IQCM: variants seen among roughly 807,000 people sequenced by gnomAD.
IQCM encodes the protein IQ motif containing M, also known as IQ domain-containing protein M.
IQCM carries 45 observed loss-of-function variants against 57.6 expected under a neutral mutation model. The observed-to-expected ratio is 0.78, with a 90% CI of 0.62 to 1.00. IQCM has a LOEUF of 1.00. IQCM is among the 50% of genes least tolerant of loss of function. The pLI, the probability that IQCM is intolerant of heterozygous loss-of-function variation, is 0.00. For synonymous variants in IQCM, 148 were observed against 158.9 expected (o/e 0.93, Z 0.51); for missense variants, 468 against 511.6 (o/e 0.91, Z 0.82).
intron 7 of IQCM, among the ~76,000 whole-genome samples, chr4:149,665,042 C>G (rs890724085): frequency 6.6e-6 from 1 of 152,156 alleles, no homozygotes; most frequent in Non-Finnish European, 1.5e-5. Context: ...TCTGGGCAGT[C>G]AGAATTGCAG....
At chr4:149,599,186 A>G (rs114839469) in intron 8 of IQCM, among the ~76,000 whole-genome samples, 16 of 152,286 alleles carry the variant, frequency 1.1e-4, no homozygotes, top group Non-Finnish European at 2.2e-4. Flanking sequence ...CAGCTATAGA[A>G]AGGATAAATA....
At chr4:149,368,495 T>C (rs1392971619) in intron 13 of IQCM, among the ~76,000 whole-genome samples, 3 of 151,830 alleles carry the variant, frequency 2.0e-5, no homozygotes, top group Non-Finnish European at 4.4e-5. Context: ...TTAGAAACCT[T>C]TGGATCCTTC....
intron 8 of IQCM, among the ~76,000 whole-genome samples, chr4:149,595,751 C>A (rs1388831108): frequency 6.6e-6 from 1 of 152,122 alleles, no homozygotes; most frequent in Non-Finnish European, 1.5e-5. Context: ...AATTTGAGAG[C>A]TTCCAGGAAT....
intron 8 of IQCM, among the ~76,000 whole-genome samples, chr4:149,589,446 G>A (rs1275844767): frequency 6.6e-6 from 1 of 151,984 alleles, no homozygotes; most frequent in African/African-American, 2.4e-5. Flanking sequence ...ATGTAAAGAT[G>A]AAACGTGGAA....
At chr4:149,740,682 A>G (rs917582363) in intron 3 of IQCM, among the ~76,000 whole-genome samples, 1 of 41,884 alleles carries the variant, frequency 2.4e-5, no homozygotes, top group African/African-American at 1.4e-4. Flanking sequence ...CCTTCTTTCA[A>G]TCAGAGGCTC....
intron 7 of IQCM, among the ~76,000 whole-genome samples, chr4:149,669,736 C>A (rs1761080475): frequency 6.6e-6 from 1 of 152,138 alleles, no homozygotes; most frequent in Admixed American, 6.6e-5. Context: ...AATAGGGAAT[C>A]CTTTCCCCAT....
chr4:149,556,808 C>G (rs375968671), intron 10 of IQCM, among the ~76,000 whole-genome samples: 264 of 152,288 alleles, frequency 1.7e-3, no homozygotes, highest in African/African-American at 6.2e-3. Context: ...TGCATAGCTA[C>G]TGGACATGTG....
At chr4:149,790,336 T>C (rs1038399287) in intron 2 of IQCM, 2 of 206,852 alleles carry the variant, frequency 9.7e-6, no homozygotes, top group Admixed American at 6.0e-5. Context: ...GCTGCCTTCT[T>C]CCTTGTTGAG....
chr4:149,487,490 A>G (rs1002453593), intron 12 of IQCM, among the ~76,000 whole-genome samples: 7 of 152,078 alleles, frequency 4.6e-5, no homozygotes, highest in African/African-American at 1.7e-4. Context: ...TCAGCCTGGC[A>G]CTAGAAGCTG....
chr4:149,695,213 T>C (rs1207293388), intron 5 of IQCM, among the ~76,000 whole-genome samples: 1 of 152,184 alleles, frequency 6.6e-6, no homozygotes, highest in Non-Finnish European at 1.5e-5. Context: ...CATCCATTTA[T>C]TCAATCATTC....
chr4:149,717,239 C>T (rs374022250), intron 5 of IQCM, among the ~76,000 whole-genome samples: 14 of 152,062 alleles, frequency 9.2e-5, no homozygotes, highest in Admixed American at 3.3e-4. Flanking sequence ...TCTGAAGTGA[C>T]GGGCAGTTTG....
chr4:149,556,064 T>G (rs1461290111), intron 10 of IQCM, among the ~76,000 whole-genome samples: 1 of 152,202 alleles, frequency 6.6e-6, no homozygotes, highest in East Asian at 1.9e-4. Context: ...TGCTAGTACA[T>G]TTCAGCATGT....
At chr4:149,687,429 T>G (rs139107326) in intron 5 of IQCM, among the ~76,000 whole-genome samples, 2 of 151,276 alleles carry the variant, frequency 1.3e-5, no homozygotes, top group African/African-American at 4.8e-5. Context: ...ACAATAAAAA[T>G]AATATAAATT....
intron 7 of IQCM, among the ~76,000 whole-genome samples, chr4:149,671,769 T>G (rs1761309441): frequency 6.6e-6 from 1 of 152,190 alleles, no homozygotes; most frequent in Non-Finnish European, 1.5e-5. Flanking sequence ...TTGTTCAGTT[T>G]CCATGTAGTT....
At chr4:149,598,730 C>T (rs1462396248) in intron 8 of IQCM, among the ~76,000 whole-genome samples, 1 of 152,074 alleles carries the variant, frequency 6.6e-6, no homozygotes, top group Non-Finnish European at 1.5e-5. Flanking sequence ...AAGGTTAAAA[C>T]TTTGACAGTA....
At chr4:149,365,817 G>C (rs1257930352) in intron 13 of IQCM, among the ~76,000 whole-genome samples, 1 of 151,948 alleles carries the variant, frequency 6.6e-6, no homozygotes, top group Non-Finnish European at 1.5e-5. Flanking sequence ...ATGAATACAA[G>C]GAAATAATGA....
rs534303681 is a variant in IQCM at position 149,459,556 on chromosome 4, C to A, written c.1229-25999G>T. Among the ~76,000 whole-genome samples the A allele has an allele frequency of 7.9e-5, 12 of 152,256 alleles. No homozygotes were observed. In the East Asian group the frequency reaches 1.4e-3, roughly 17 times the overall value. ...ATCACCACCATCTATCTCCAGAATT[C>A]TTTACATCTTGTAAAACTGAAACTT... is the stretch of plus-strand genomic sequence containing the variant. On this transcript the variant is annotated intron_variant, in intron 12 of 13. Coordinates refer to ENST00000636793, the MANE Select transcript of IQCM (RefSeq NM_001363507.2).
At chr4:149,554,347 T>A (rs4835588) in intron 10 of IQCM, among the ~76,000 whole-genome samples, 2 of 148,376 alleles carry the variant, frequency 1.3e-5, no homozygotes, top group African/African-American at 4.9e-5. Context: ...GTTTTCATCC[T>A]TTTTTTTTTT....
intron 5 of IQCM, among the ~76,000 whole-genome samples, chr4:149,724,533 CCA>C: frequency 6.6e-6 from 1 of 151,720 alleles, no homozygotes; most frequent in Non-Finnish European, 1.5e-5. Flanking sequence ...TCTCCCACAC[CCA>C]TAAACACATA....
Sources: allele counts gnomAD v4.1 joint callset (sites outside exome capture counted in the v4.1 genomes callset), GRCh38; gene constraint gnomAD v4.1.1; transcripts MANE v1.5; gene names NCBI Gene and HGNC (gene_info 2026-07-23, HGNC 2026-07-21).